Variants in MAPKAPK2 observed in about 807,000 individuals in gnomAD.
MAPKAPK2 encodes MAPK activated protein kinase 2.
Under a neutral mutation model 48.8 loss-of-function variants are expected in MAPKAPK2, and 9 were observed. The observed-to-expected ratio is 0.18, with a 90% CI of 0.11 to 0.32. MAPKAPK2 has a LOEUF of 0.32. MAPKAPK2 is among the 10% of genes least tolerant of loss of function. The pLI, the probability that MAPKAPK2 is intolerant of heterozygous loss-of-function variation, is 1.00. For missense variants in MAPKAPK2, 331 were observed against 498.3 expected, an observed-to-expected ratio of 0.66 and a Z score of 3.20; for synonymous variants, 202 against 190.6, an observed-to-expected ratio of 1.06 and a Z score of -0.49.
chr1:206,708,857 A>G (rs1346180665), intron 1 of MAPKAPK2, among the ~76,000 whole-genome samples: 1 of 152,208 alleles, frequency 6.6e-6, no homozygotes, highest in Non-Finnish European at 1.5e-5. Context: ...GGAACCTCAT[A>G]TAAATGGGAT....
At position 206,685,327 on chromosome 1, in the gene MAPKAPK2, C is replaced by G. The variant is rs573218643; in HGVS notation, c.98C>G (p.Ala33Gly). ...PPTPALPHPP[A>G]QPPPPPPQQF... ...ACCCCTGCCCTGCCGCACCCCCCGG[C>G]GCAGCCGCCGCCGCCGCCCCCGCAG... Residue 33 changes from alanine to glycine, a missense_variant, in exon 1 of 10, where the codon GCG (alanine) becomes GGG (glycine). By Grantham distance (60) the Ala-to-Gly change is moderately conservative. This residue lies in a region of MAPKAPK2 where 93 missense variants were observed against 81.0 expected (regional missense o/e 1.15). Coordinates refer to ENST00000367103, the MANE Select transcript of MAPKAPK2 (RefSeq NM_032960.4). 6.1e-5 allele frequency: 87 copies of G among 1,427,080 alleles called. No individual in the cohort carries two copies. In the East Asian group the frequency reaches 9.6e-4, roughly 16 times the overall value. The allele number at this position is 1,427,080 out of a possible 1,614,324, so 88.4% of individuals were successfully genotyped here.
intron 1 of MAPKAPK2, among the ~76,000 whole-genome samples, chr1:206,727,938 G>C (rs981526575): frequency 6.6e-6 from 1 of 152,164 alleles, no homozygotes; most frequent in Non-Finnish European, 1.5e-5. Context: ...TTTCTTACAA[G>C]GCTCTTGGCC....
At chr1:206,706,113 C>CTTATTTAT (rs10525931) in intron 1 of MAPKAPK2, among the ~76,000 whole-genome samples, 2,350 of 145,846 alleles carry the variant, frequency 0.016, 31 homozygotes, top group East Asian at 0.035. Context: ...TTTCCTATCT[C>CTTATTTAT]TTATTTATTT....
rs528636103 is a variant in MAPKAPK2 at position 206,718,615 on chromosome 1, T to G, written c.280-10095T>G. Among the ~76,000 whole-genome samples the G allele has an allele frequency of 7.4e-4, 112 of 152,214 alleles. 1 individual carries two copies. The South Asian group carries it at 0.018, about 25-fold the overall frequency. Reference sequence around the variant, plus strand: ...TCTTGGTCCTTATCTGCTTTCCCATTTAATAGCATCCTGCTCTCCCCGTCG... The same window carrying G: ...TCTTGGTCCTTATCTGCTTTCCCATGTAATAGCATCCTGCTCTCCCCGTCG... On this transcript the variant is annotated intron_variant, in intron 1 of 9. Transcript: ENST00000367103.
At chr1:206,689,635 C>T (rs1672394122) in intron 1 of MAPKAPK2, among the ~76,000 whole-genome samples, 1 of 152,118 alleles carries the variant, frequency 6.6e-6, no homozygotes. Flanking sequence ...AATTTTGAGT[C>T]AAGAAACTTA....
At chr1:206,710,160 G>A (rs1673092556) in intron 1 of MAPKAPK2, among the ~76,000 whole-genome samples, 1 of 152,192 alleles carries the variant, frequency 6.6e-6, no homozygotes, top group Non-Finnish European at 1.5e-5. Context: ...AGTCCTCGAA[G>A]AATTTGGCTC....
chr1:206,719,351 T>A (rs1474802750), intron 1 of MAPKAPK2, among the ~76,000 whole-genome samples: 1 of 152,156 alleles, frequency 6.6e-6, no homozygotes, highest in Non-Finnish European at 1.5e-5. Context: ...CAGTGACGCG[T>A]GGTTGTTTTA....
At chr1:206,691,345 T>A (rs1672447719) in intron 1 of MAPKAPK2, among the ~76,000 whole-genome samples, 1 of 151,854 alleles carries the variant, frequency 6.6e-6, no homozygotes, top group Admixed American at 6.6e-5. Flanking sequence ...TGGGTTACCT[T>A]GTAAATGGGG....
chr1:206,692,661 C>T (rs997535620), intron 1 of MAPKAPK2, among the ~76,000 whole-genome samples: 1 of 152,198 alleles, frequency 6.6e-6, no homozygotes, highest in Non-Finnish European at 1.5e-5. Context: ...GGGACAAGGC[C>T]CCAAGGTCAG....
chr1:206,703,498 C>A (rs1212020586), intron 1 of MAPKAPK2, among the ~76,000 whole-genome samples: 1 of 152,096 alleles, frequency 6.6e-6, no homozygotes, highest in Non-Finnish European at 1.5e-5. Flanking sequence ...GAGGTGCTTC[C>A]TTAGAAAGGG....
At position 206,732,876 on chromosome 1, in the gene MAPKAPK2, G is replaced by C; in HGVS notation, c.*158G>C. 1.2e-6 allele frequency: 1 copy of C among 866,082 alleles called. No individual in the cohort carries two copies. Among genetic ancestry groups the C allele is most frequent in the Non-Finnish European group, 1.7e-6 (1 of 583,036 alleles). 53.6% of individuals were successfully genotyped at this position (866,082 alleles called of 1,614,324 possible). On this transcript the variant is annotated 3_prime_UTR_variant, in exon 10 of 10. Coordinates refer to ENST00000367103, the MANE Select transcript of MAPKAPK2 (RefSeq NM_032960.4). The surrounding 1 kb of genome is among the most constrained non-coding windows in gnomAD (Gnocchi z 4.4). The stretch of plus-strand genomic sequence containing the variant: ...AGTGACTGAATTCTGCCTTGGTTCT[G>C]GCCACCCCAGAGTGGGAGAGGCTGG...
chr1:206,730,111 G>T lies in MAPKAPK2; in HGVS notation c.691+13G>T, dbSNP rs782326607. The T allele has an allele frequency of 1.2e-6, 2 of 1,613,992 alleles. No homozygotes were observed. Among genetic ancestry groups the T allele is most frequent in the Non-Finnish European group, 1.7e-6 (2 of 1,180,000 alleles). On this transcript the variant is annotated intron_variant, in intron 5 of 9. Coordinates refer to ENST00000367103, the MANE Select transcript of MAPKAPK2 (RefSeq NM_032960.4). ...CCGTACTATGTGGGTAAGTCCACAG[G>T]GGGCCCAGGGACCTAGGCTTTTCCC...
chr1:206,732,751 G>A lies in MAPKAPK2; in HGVS notation c.*33G>A, dbSNP rs782783799. 1.6e-5 allele frequency: 25 copies of A among 1,612,176 alleles called. 1 individual carries two copies. The East Asian group carries it at 2.7e-4, about 17-fold the overall frequency. ...CGCCCTCCTGCCCACGGGAGGACAA[G>A]CAATAACTCTCTACAGGAATATATT... On this transcript the variant is annotated 3_prime_UTR_variant, in exon 10 of 10. Transcript: ENST00000367103. This position sits in a 1 kb window ranked among gnomAD's most constrained non-coding sequence, Gnocchi z 4.4.
At chr1:206,722,654 T>A (rs1318599207) in intron 1 of MAPKAPK2, among the ~76,000 whole-genome samples, 1 of 152,198 alleles carries the variant, frequency 6.6e-6, no homozygotes, top group Admixed American at 6.5e-5. Flanking sequence ...AATCCCTGTA[T>A]AAATGGATCC....
intron 1 of MAPKAPK2, among the ~76,000 whole-genome samples, chr1:206,697,240 GAC>G (rs1220146848): frequency 6.6e-6 from 1 of 152,206 alleles, no homozygotes; most frequent in Non-Finnish European, 1.5e-5. Context: ...GTTAGCTACA[GAC>G]ACGGCACAGA....
intron 1 of MAPKAPK2, among the ~76,000 whole-genome samples, chr1:206,723,480 GA>G (rs1553431503): frequency 6.6e-6 from 1 of 152,194 alleles, no homozygotes; most frequent in African/African-American, 2.4e-5. Flanking sequence ...AAAGGGGTTG[GA>G]AACTTTTCCC....
intron 1 of MAPKAPK2, among the ~76,000 whole-genome samples, chr1:206,706,405 C>T (rs960975702): frequency 1.2e-4 from 18 of 152,018 alleles, no homozygotes; most frequent in African/African-American, 3.6e-4. Flanking sequence ...GCAGTTATCC[C>T]GACCACCCTG....
intron 1 of MAPKAPK2, among the ~76,000 whole-genome samples, chr1:206,723,838 G>A (rs564715099): frequency 2.8e-4 from 42 of 152,354 alleles, no homozygotes; most frequent in African/African-American, 9.6e-4. Context: ...CCTCACTGCC[G>A]CTGTCCTAGA....
intron 1 of MAPKAPK2, among the ~76,000 whole-genome samples, chr1:206,724,020 C>T (rs1383310497): frequency 6.6e-6 from 1 of 152,232 alleles, no homozygotes; most frequent in East Asian, 1.9e-4. Context: ...AATGTTGGAC[C>T]GGGGCTTAGT....
Sources: gnomAD v4.1 joint callset for allele counts (sites outside exome capture counted in the v4.1 genomes callset) on GRCh38, gnomAD v4.1.1 for gene constraint, gnomAD v4.1.1 regional missense constraint, Gnocchi (gnomAD v3.1) non-coding constraint, MANE v1.5 for transcripts, NCBI Gene and HGNC (gene_info 2026-07-23, HGNC 2026-07-21) for gene names.